The following EML1 variants were observed in gnomAD, a reference collection of about 807,000 sequenced individuals.
EML1 encodes echinoderm microtubule-associated protein-like 1.
In EML1, 27 loss-of-function variants were observed where a neutral mutation model predicts 110.4. The ratio of observed to expected loss-of-function variants is 0.24; its 90% CI spans 0.18 to 0.34. The LOEUF (loss-of-function observed/expected upper bound fraction) is 0.34, where lower values mean the gene tolerates loss of function less well. Ranked by LOEUF, EML1 falls within the 10% of genes least tolerant of loss-of-function variation. The pLI is 1.00. For missense variants in EML1, 741 were observed against 1,030.9 expected (o/e 0.72, Z 3.85); for synonymous variants, 344 against 385.8 (o/e 0.89, Z 1.27).
In EML1 at chr14:99,751,327, G is replaced by A. The variant is rs910140580; in HGVS notation, c.28+13467G>A. Among the ~76,000 whole-genome samples, 15 of 152,126 alleles carry A rather than the reference G, an allele frequency of 9.9e-5. No homozygotes were observed. The South Asian group carries it at 1.0e-3, about 11-fold the overall frequency. On this transcript the variant is annotated intron_variant, in intron 1 of 10. Transcript: ENST00000554479. ...GTCAGGTCTTGAGGCACAAGTGGGAGGTAACAAGGGGCCACTGCATGGAGG... is the reference window on the plus strand; with the variant it reads ...GTCAGGTCTTGAGGCACAAGTGGGAAGTAACAAGGGGCCACTGCATGGAGG...
Position 99,907,627 on chromosome 14 carries a change from T to G in EML1, c.1009-11T>G. 1 of 1,613,274 alleles carries G rather than the reference T, an allele frequency of 6.2e-7. No homozygotes were observed. The highest frequency in any genetic ancestry group is 8.5e-7 in the Non-Finnish European group (1 of 1,179,502). On this transcript the variant is annotated splice_polypyrimidine_tract_variant and intron_variant, in intron 9 of 21. Coordinates refer to ENST00000262233, the MANE Select transcript of EML1 (RefSeq NM_004434.3). The stretch of plus-strand genomic sequence containing the variant: ...CAGATATAGTCTTCCTGTGAATAAC[T>G]TTCTTTTCAGAATGGAGGAACCAAT...
At chr14:99,894,551 G>T in intron 5 of EML1, 78 bp from the exon 6 acceptor site, 2 of 1,497,912 alleles carry the variant, frequency 1.3e-6, no homozygotes, top group Non-Finnish European at 1.8e-6. Context: ...ATACTGAAAG[G>T]CTAGAGAGGA....
intron 1 of EML1, among the ~76,000 whole-genome samples, chr14:99,743,739 G>A (rs911507396): frequency 5.3e-5 from 8 of 152,146 alleles, no homozygotes; most frequent in African/African-American, 1.7e-4. Flanking sequence ...AAGTACCCTC[G>A]CAGGCTTTTT....
chr14:99,830,314 G>A (rs2058428326), intron 1 of EML1, among the ~76,000 whole-genome samples: 1 of 152,008 alleles, frequency 6.6e-6, no homozygotes, highest in Admixed American at 6.6e-5. Context: ...TCTATTTAAG[G>A]TCTTTGCCCA....
chr14:99,850,138 C>T, intron 1 of EML1: 18 of 380,580 alleles, frequency 4.7e-5, no homozygotes, highest in East Asian at 2.5e-4. Context: ...AGAGTTTTGT[C>T]ATGTTGCCTA....
At chr14:99,803,550 A>T (rs10136225) in intron 1 of EML1, among the ~76,000 whole-genome samples, 96,620 of 152,022 alleles carry the variant, frequency 0.64, 32,045 homozygotes, top group African/African-American at 0.84. Flanking sequence ...TAGTACAGAG[A>T]CAAAACTTGC....
chr14:99,756,601 C>G (rs1195525005), intron 1 of EML1, among the ~76,000 whole-genome samples: 2 of 152,178 alleles, frequency 1.3e-5, no homozygotes, highest in Admixed American at 6.5e-5. Context: ...GTGGGGTCAT[C>G]GACCCAATTT....
At chr14:99,760,340 A>G (rs2057301749) in intron 1 of EML1, among the ~76,000 whole-genome samples, 1 of 151,982 alleles carries the variant, frequency 6.6e-6, no homozygotes, top group Non-Finnish European at 1.5e-5. Flanking sequence ...TCATTGGTAA[A>G]ATGGTGCCTC....
At chr14:99,908,540 G>A (rs147670491) in intron 10 of EML1, among the ~76,000 whole-genome samples, 131 of 152,320 alleles carry the variant, frequency 8.6e-4, no homozygotes, top group Middle Eastern at 3.4e-3. Flanking sequence ...CTGGGCAGGT[G>A]TTTAAGTTCT....
At position 99,746,574 on chromosome 14, in the gene EML1, G is replaced by A. The variant is rs112986009; in HGVS notation, c.28+8714G>A. 1.0e-3 allele frequency among the ~76,000 whole-genome samples: 155 copies of A among 152,192 alleles called. 2 individuals are homozygous for A. Among genetic ancestry groups the A allele is most frequent in the African/African-American group, 3.5e-3 (146 of 41,516 alleles). ...GTAGCAGAAGCCGAGGACTCAGGAG[G>A]TGCCGCCTAAGCCCCAGCATCTCTC... On this transcript the variant is annotated intron_variant, in intron 1 of 10. Transcript: ENST00000554479.
chr14:99,840,798 GA>G (rs532190694), intron 1 of EML1, among the ~76,000 whole-genome samples: 2 of 152,094 alleles, frequency 1.3e-5, no homozygotes, highest in Non-Finnish European at 2.9e-5. Flanking sequence ...CATGAATGGA[GA>G]AAAAAGCATG....
rs200630790 is a variant in EML1 at position 99,878,911 on chromosome 14, TG to T, written c.518+296del. ...TTTCTTAGTACCAAGTACCTAGAAC[TG>T]GGGAAGCCATTCTGAATTTCTACCT... is the stretch of plus-strand genomic sequence containing the variant. On this transcript the variant is annotated intron_variant, in intron 4 of 21. Transcript: ENST00000262233. 4.0e-3 allele frequency among the ~76,000 whole-genome samples: 613 copies of T among 152,344 alleles called. 4 individuals carry two copies. Among genetic ancestry groups the T allele is most frequent in the African/African-American group, 0.014 (583 of 41,584 alleles).
chr14:99,911,306 C>T (rs1210495225), intron 12 of EML1, 116 bp from the exon 13 acceptor site: 7 of 1,212,854 alleles, frequency 5.8e-6, no homozygotes, highest in Non-Finnish European at 7.9e-6. Flanking sequence ...ATTCATATTG[C>T]AATGATGTGC....
chr14:99,744,670 G>A (rs746762371), intron 1 of EML1, among the ~76,000 whole-genome samples: 15 of 152,190 alleles, frequency 9.9e-5, no homozygotes, highest in Non-Finnish European at 1.8e-4. Flanking sequence ...AAATCATAAC[G>A]CCAGGGGCAA....
chr14:99,739,119 A>AGAGAGT (rs1258318282), intron 1 of EML1, among the ~76,000 whole-genome samples: 20 of 134,996 alleles, frequency 1.5e-4, no homozygotes, highest in African/African-American at 5.3e-4. Context: ...AGAGAGAGAG[A>AGAGAGT]GTGTGTGTGT....
chr14:99,939,591 TTGCTCCGGCCC>T lies in EML1; in HGVS notation c.2322+270_2322+280del, dbSNP rs2060543539. On this transcript the variant is annotated intron_variant, in intron 21 of 21. Transcript: ENST00000262233. This position sits in a 1 kb window ranked among gnomAD's most constrained non-coding sequence, Gnocchi z 4.2. ...GACCCCGCCCTCCCCCACGGCTCCC[TTGCTCCGGCCC>T]TGCTCAGCCGCGCCAGCCCTGAGCC... is the stretch of plus-strand genomic sequence containing the variant. 6.6e-6 allele frequency among the ~76,000 whole-genome samples: 1 copy of T among 152,110 alleles called. No individual in the cohort carries two copies. The highest frequency in any genetic ancestry group is 6.5e-5 in the Admixed American group (1 of 15,272).
chr14:99,918,497 C>T lies in EML1; in HGVS notation c.1820+648C>T, dbSNP rs139823921. Among the ~76,000 whole-genome samples, 263 of 152,322 alleles carry T rather than the reference C, an allele frequency of 1.7e-3. 2 individuals carry two copies. The highest frequency in any genetic ancestry group is 3.1e-3 in the Non-Finnish European group (212 of 68,028). On this transcript the variant is annotated intron_variant, in intron 16 of 21. Coordinates refer to ENST00000262233, the MANE Select transcript of EML1 (RefSeq NM_004434.3). ...TTGATTTTGGAATGAAGCAAGAAAA[C>T]ATTTCAAAGTGCTGAGCATTTAAAA...
chr14:99,869,375 G>A (rs1276980888), intron 3 of EML1, among the ~76,000 whole-genome samples: 1 of 152,174 alleles, frequency 6.6e-6, no homozygotes, highest in Non-Finnish European at 1.5e-5. Flanking sequence ...AGCACCCATA[G>A]AAGGTGGCAA....
At chr14:99,831,135 A>G (rs2058443173) in intron 1 of EML1, among the ~76,000 whole-genome samples, 1 of 152,194 alleles carries the variant, frequency 6.6e-6, no homozygotes, top group East Asian at 1.9e-4. Flanking sequence ...TTGTCAATTC[A>G]CGTTATGTGA....
Sources: allele counts gnomAD v4.1 joint callset (sites outside exome capture counted in the v4.1 genomes callset), GRCh38; gene constraint gnomAD v4.1.1; non-coding constraint Gnocchi (gnomAD v3.1); transcripts MANE v1.5; gene names NCBI Gene and HGNC (gene_info 2026-07-23, HGNC 2026-07-21).